The following GLIS3 variants were observed in gnomAD, a reference collection of about 807,000 sequenced individuals.
GLIS3 encodes zinc finger protein GLIS3.
Under a neutral mutation model 78.6 loss-of-function variants are expected in GLIS3, and 53 were observed. The ratio of observed to expected loss-of-function variants is 0.67; its 90% CI spans 0.54 to 0.85. The LOEUF is 0.85. Among genes scored for constraint, GLIS3 ranks in the 40% least tolerant of loss-of-function variants. GLIS3 has a pLI of 0.00. For synonymous variants in GLIS3, 684 were observed against 509.9 expected (o/e 1.34, Z -4.60); for missense variants, 1,703 against 1,231.1 (o/e 1.38, Z -5.74).
At chr9:3,921,508 G>A (rs1824885122) in intron 6 of GLIS3, among the ~76,000 whole-genome samples, 1 of 152,184 alleles carries the variant, frequency 6.6e-6, no homozygotes, top group South Asian at 2.1e-4. Flanking sequence ...CATCAGAAGA[G>A]TAGTTTCACT....
chr9:4,336,015 G>C (rs1444825855), intron 2 of GLIS3, among the ~76,000 whole-genome samples: 1 of 152,198 alleles, frequency 6.6e-6, no homozygotes, highest in Non-Finnish European at 1.5e-5. Flanking sequence ...CCTGAGTTTG[G>C]AGATGATGTG....
At chr9:3,892,414 T>A (rs984376841) in intron 7 of GLIS3, among the ~76,000 whole-genome samples, 1 of 152,102 alleles carries the variant, frequency 6.6e-6, no homozygotes, top group Non-Finnish European at 1.5e-5. Context: ...CATGACAATA[T>A]TGAGGAAGAC....
At chr9:4,092,871 G>A (rs1829641410) in intron 4 of GLIS3, among the ~76,000 whole-genome samples, 1 of 152,196 alleles carries the variant, frequency 6.6e-6, no homozygotes, top group Non-Finnish European at 1.5e-5. Context: ...ATTATGTGCT[G>A]TACATAACTA....
intron 6 of GLIS3, among the ~76,000 whole-genome samples, chr9:3,922,216 G>C (rs780475905): frequency 6.6e-6 from 1 of 152,020 alleles, no homozygotes; most frequent in Non-Finnish European, 1.5e-5. Context: ...TTAAAATGCA[G>C]TCATTAAAAA....
Position 4,059,829 on chromosome 9 carries a change from T to TGTGTGTGTGTGTGTGTGTGTGTGTGAGA in GLIS3, c.1710+57938_1710+57939insTCTCACACACACACACACACACACACAC. Among the ~76,000 whole-genome samples the TGTGTGTGTGTGTGTGTGTGTGTGTGAGA allele has an allele frequency of 2.0e-3, 202 of 100,644 alleles. 2 individuals are homozygous for TGTGTGTGTGTGTGTGTGTGTGTGTGAGA. The highest frequency in any genetic ancestry group is 3.0e-3 in the Non-Finnish European group (146 of 48,038). The allele number at this position is 100,644 out of a possible 152,430, so 66.0% of individuals were successfully genotyped here. ...TTGTGTGTGTGTGTGTGTGTGTGTG[T>TGTGTGTGTGTGTGTGTGTGTGTGTGAGA]GAGAGAGAGAGAGAGAGAGAGAGAG... On this transcript the variant is annotated intron_variant, in intron 4 of 10. Coordinates refer to ENST00000381971, the MANE Select transcript of GLIS3 (RefSeq NM_001042413.2).
At chr9:4,171,491 C>T (rs1816369589) in intron 2 of GLIS3, among the ~76,000 whole-genome samples, 1 of 152,224 alleles carries the variant, frequency 6.6e-6, no homozygotes, top group Admixed American at 6.5e-5. Context: ...ATGGAATAAA[C>T]CTCATTCACT....
At chr9:4,119,100 C>T (rs1164040896) in intron 3 of GLIS3, among the ~76,000 whole-genome samples, 3 of 152,122 alleles carry the variant, frequency 2.0e-5, no homozygotes, top group South Asian at 4.1e-4. Flanking sequence ...ACCTAATGCT[C>T]ACTGAAATAA....
chr9:4,378,440 C>T, the GLIS3 span, among the ~76,000 whole-genome samples: 2 of 151,884 alleles, frequency 1.3e-5, no homozygotes, highest in African/African-American at 2.4e-5. Flanking sequence ...TTTTCTTTCA[C>T]CCTCTCAGTC....
At chr9:4,271,208 A>G (rs773437892) in intron 2 of GLIS3, among the ~76,000 whole-genome samples, 5 of 152,194 alleles carry the variant, frequency 3.3e-5, no homozygotes, top group African/African-American at 7.2e-5. Flanking sequence ...TCTGTTTCTC[A>G]GTAGCATTTT....
At chr9:4,392,253 G>T in the GLIS3 span, among the ~76,000 whole-genome samples, 1 of 151,848 alleles carries the variant, frequency 6.6e-6, no homozygotes, top group Non-Finnish European at 1.5e-5. Flanking sequence ...GGCGGGGGTC[G>T]GGGGAGGGAG....
chr9:3,824,394 A>AAAAC lies in GLIS3; in HGVS notation c.*3874_*3877dup, dbSNP rs905376635. 6.6e-6 allele frequency: 1 copy of AAAAC among 152,554 alleles called. No homozygotes were observed. The highest frequency in any genetic ancestry group is 2.4e-5 in the African/African-American group (1 of 41,428). 9.5% of individuals were successfully genotyped at this position (152,554 alleles called of 1,614,324 possible). A position where few individuals can be genotyped will look rare whatever the true frequency, so the allele number is the denominator to read the frequency against. On this transcript the variant is annotated 3_prime_UTR_variant, in exon 11 of 11. Transcript: ENST00000381971. ...GAGGCTGATGGTAAAACAAAACAAA[A>AAAAC]AAACAAACAAACAAACAATGATGGT... is the stretch of plus-strand genomic sequence containing the variant.
At chr9:3,988,683 G>T (rs1488458749) in intron 4 of GLIS3, among the ~76,000 whole-genome samples, 2 of 152,026 alleles carry the variant, frequency 1.3e-5, no homozygotes, top group Non-Finnish European at 2.9e-5. Context: ...AATTGGTGCT[G>T]GAGCCATCAA....
At chr9:4,037,165 T>A (rs751048811) in intron 4 of GLIS3, among the ~76,000 whole-genome samples, 9 of 152,204 alleles carry the variant, frequency 5.9e-5, no homozygotes, top group Non-Finnish European at 1.3e-4. Context: ...ACATGTGAAC[T>A]TGCTTTATAA....
intron 3 of GLIS3, among the ~76,000 whole-genome samples, chr9:4,123,142 C>T (rs187567351): frequency 2.7e-4 from 41 of 152,216 alleles, no homozygotes; most frequent in African/African-American, 9.4e-4. Flanking sequence ...ATCTATGAAA[C>T]TTCATAGATT....
chr9:4,345,484 G>C (rs184606794), intron 2 of GLIS3, among the ~76,000 whole-genome samples: 1 of 152,204 alleles, frequency 6.6e-6, no homozygotes, highest in Admixed American at 6.5e-5. Context: ...TACTAGAATG[G>C]TAGGTGCTCA....
the GLIS3 span, among the ~76,000 whole-genome samples, chr9:4,386,921 C>T: frequency 6.6e-6 from 1 of 152,152 alleles, no homozygotes; most frequent in Admixed American, 6.5e-5. Context: ...CTGCTTCATG[C>T]TGGCTTGGGG....
At chr9:4,408,241 G>C in the GLIS3 span, among the ~76,000 whole-genome samples, 2 of 152,040 alleles carry the variant, frequency 1.3e-5, no homozygotes, top group African/African-American at 4.8e-5. Flanking sequence ...GCTACCATAT[G>C]ACCCAGCAAT....
Position 3,985,110 on chromosome 9 carries a change from C to A in GLIS3, c.1711-47921G>T, listed in dbSNP as rs566674553. Among the ~76,000 whole-genome samples the A allele has an allele frequency of 2.8e-3, 399 of 143,798 alleles. 5 individuals are homozygous for A. The South Asian group carries it at 0.033, about 12-fold the overall frequency. The allele number at this position is 143,798 out of a possible 152,430, so 94.3% of individuals were successfully genotyped here. A position where few individuals can be genotyped will look rare whatever the true frequency, so the allele number is the denominator to read the frequency against. On this transcript the variant is annotated intron_variant, in intron 4 of 10. Coordinates refer to ENST00000381971, the MANE Select transcript of GLIS3 (RefSeq NM_001042413.2). ...AGCTCAATTCACAAAAAAAAAAAAA[C>A]CCATTTTTCCTCACCATTTCAGTCA...
chr9:4,478,474 G>T, the GLIS3 span, among the ~76,000 whole-genome samples: 2 of 152,056 alleles, frequency 1.3e-5, no homozygotes, highest in East Asian at 3.9e-4. Context: ...AGTTCGGCCT[G>T]GTGGCGGGCG....
Sources: allele counts gnomAD v4.1 joint callset (sites outside exome capture counted in the v4.1 genomes callset), GRCh38; gene constraint gnomAD v4.1.1; transcripts MANE v1.5; gene names NCBI Gene and HGNC (gene_info 2026-07-23, HGNC 2026-07-21).